The following ZNF92 variants were observed in gnomAD, a reference collection of about 807,000 sequenced individuals.
The protein encoded by ZNF92 is epididymis luminal protein 203.
In ZNF92, 11 loss-of-function variants were observed where a neutral mutation model predicts 12.4. That is an observed-to-expected ratio of 0.89 (90% CI 0.56 to 1.47). The LOEUF is 1.47. Among genes scored for constraint, ZNF92 ranks in the 40% most tolerant of loss-of-function variants. ZNF92 has a pLI of 0.00. For synonymous variants in ZNF92, 206 were observed against 228.6 expected (o/e 0.90, Z 0.89); for missense variants, 622 against 681.0 (o/e 0.91, Z 0.96).
chr7:65,398,341 T>C lies in ZNF92; in HGVS notation c.227T>C (p.Val76Ala). ...AACTTGTTATTTTTATTTTTTTCAG[T>C]TATGTGTTCTCATTTTGCCCAAGAT... ...KRHEMVDKTP[V>A]MCSHFAQDVW... Residue 76 changes from valine (V) to alanine (A), a missense_variant and splice_region_variant, in exon 4 of 4, where the codon GTT becomes GCT. Physicochemically the swap from Val to Ala is moderately conservative, Grantham distance 64. Transcript: ENST00000328747. 5 of 1,531,394 alleles carry C rather than the reference T, an allele frequency of 3.3e-6. No homozygotes were observed. The highest frequency in any genetic ancestry group is 3.5e-6 in the Non-Finnish European group (4 of 1,142,802). The allele number at this position is 1,531,394 out of a possible 1,614,324, so 94.9% of individuals were successfully genotyped here.
rs1444349483 is a variant in ZNF92, at chr7:65,392,604, T to C, written c.226+3703T>C. On this transcript the variant is annotated intron_variant, in intron 3 of 3. Transcript: ENST00000328747. ...CAGGCTGGAGTACAATGGTGTCATC[T>C]CAGCTCACCGTAACCTCCGCCTCCT... 2.6e-5 allele frequency among the ~76,000 whole-genome samples: 4 copies of C among 151,246 alleles called. No homozygotes were observed. In the East Asian group the frequency reaches 7.8e-4, roughly 29 times the overall value.
intron 3 of ZNF92, among the ~76,000 whole-genome samples, chr7:65,390,078 A>G (rs555593808): frequency 6.6e-6 from 1 of 152,238 alleles, no homozygotes; most frequent in South Asian, 2.1e-4. Flanking sequence ...GGTATTACAA[A>G]TAAGATTGTT....
rs374918371 is a variant in ZNF92, at chr7:65,385,981, C to T, written c.4-1921C>T. Among the ~76,000 whole-genome samples, 127 of 152,018 alleles carry T rather than the reference C, an allele frequency of 8.4e-4. No homozygotes were observed. In the South Asian group the frequency reaches 8.9e-3, roughly 11 times the overall value. ...CTCCCTAATGAGTTTGTTTTAACTA[C>T]TGTAAAAAATTTTCATTATAGTCAA... On this transcript the variant is annotated intron_variant, in intron 1 of 3. Transcript: ENST00000328747.
intron 3 of ZNF92, among the ~76,000 whole-genome samples, chr7:65,394,128 A>G (rs1047932362): frequency 1.3e-5 from 2 of 152,114 alleles, no homozygotes; most frequent in African/African-American, 4.8e-5. Flanking sequence ...TCATGCATTA[A>G]TATCATAAGT....
chr7:65,375,533 A>T (rs750202080), intron 1 of ZNF92, among the ~76,000 whole-genome samples: 1 of 152,034 alleles, frequency 6.6e-6, no homozygotes, highest in Non-Finnish European at 1.5e-5. Flanking sequence ...AGCCAATCAG[A>T]TGCTGGTACT....
At chr7:65,397,362 C>T (rs914743076) in intron 3 of ZNF92, among the ~76,000 whole-genome samples, 10 of 151,240 alleles carry the variant, frequency 6.6e-5, no homozygotes, top group African/African-American at 2.4e-4. Context: ...TTTTTACCTC[C>T]ACAATTTCTG....
chr7:65,378,317 G>A (rs1793305949), intron 1 of ZNF92, among the ~76,000 whole-genome samples: 1 of 149,862 alleles, frequency 6.7e-6, no homozygotes, highest in African/African-American at 2.5e-5. Context: ...TCAGATTTTA[G>A]ATGAGAGAAT....
In ZNF92 at chr7:65,374,840, C is replaced by G. The variant is rs529247557; in HGVS notation, c.3+840C>G. On this transcript the variant is annotated intron_variant, in intron 1 of 3. Coordinates refer to ENST00000328747, the MANE Select transcript of ZNF92 (RefSeq NM_152626.4). Reference sequence around the variant, plus strand: ...TCCCCTGCAGTTTTCACATGTGTCCCAAGCAGGGTCTCAAGTCTACCCCCC... The same window carrying G: ...TCCCCTGCAGTTTTCACATGTGTCCGAAGCAGGGTCTCAAGTCTACCCCCC... Among the ~76,000 whole-genome samples, 5 of 152,148 alleles carry G rather than the reference C, an allele frequency of 3.3e-5. No individual in the cohort carries two copies. In the South Asian group the frequency reaches 8.3e-4, roughly 25 times the overall value.
chr7:65,387,041 G>A (rs1793587012), intron 1 of ZNF92, among the ~76,000 whole-genome samples: 1 of 149,842 alleles, frequency 6.7e-6, no homozygotes, highest in Non-Finnish European at 1.5e-5. Context: ...CTGGGTTCAA[G>A]CAATTCTCCT....
chr7:65,374,945 A>G (rs1209378444), intron 1 of ZNF92, among the ~76,000 whole-genome samples: 2 of 152,078 alleles, frequency 1.3e-5, no homozygotes, highest in African/African-American at 2.4e-5. Flanking sequence ...CCAAATGCCA[A>G]CTTACCCTCC....
intron 3 of ZNF92, among the ~76,000 whole-genome samples, chr7:65,393,271 A>G (rs1793765592): frequency 6.6e-6 from 1 of 152,158 alleles, no homozygotes; most frequent in Admixed American, 6.5e-5. Context: ...CACAGTATCC[A>G]TCATTTTGTT....
chr7:65,387,026 G>A lies in ZNF92; in HGVS notation c.4-876G>A, dbSNP rs940396678. ...GCAATCTCGGCTCACTGCAACCTCC[G>A]CCTCCTGGGTTCAAGCAATTCTCCT... On this transcript the variant is annotated intron_variant, in intron 1 of 3. Coordinates refer to ENST00000328747, the MANE Select transcript of ZNF92 (RefSeq NM_152626.4). 1.7e-4 allele frequency among the ~76,000 whole-genome samples: 24 copies of A among 144,852 alleles called. 1 individual carries two copies. The highest frequency in any genetic ancestry group is 3.3e-4 in the Non-Finnish European group (22 of 67,272).
chr7:65,398,765 T>G lies in ZNF92; in HGVS notation c.651T>G (p.Thr217=). 6.2e-7 allele frequency: 1 copy of G among 1,613,176 alleles called. No individual in the cohort carries two copies. The highest frequency in any genetic ancestry group is 8.5e-7 in the Non-Finnish European group (1 of 1,179,776). ...CCTTTAACTGGTCCTCAACCCTTAC[T>G]AAACATAAGATAATTCATACTGGAG... is the stretch of plus-strand genomic sequence containing the variant. ...GKAFNWSSTL[T]KHKIIHTGEK... is the part of the protein sequence containing the mutation. The change falls in exon 4 of 4, where the codon ACT becomes ACG. Residue 217 remains threonine, a synonymous_variant. Coordinates refer to ENST00000328747, the MANE Select transcript of ZNF92 (RefSeq NM_152626.4).
At chr7:65,382,094 A>C (rs1793435105) in intron 1 of ZNF92, among the ~76,000 whole-genome samples, 1 of 152,102 alleles carries the variant, frequency 6.6e-6, no homozygotes, top group Non-Finnish European at 1.5e-5. Flanking sequence ...TTTGTCATTG[A>C]ATATAGCCAA....
rs1487083397 is a variant in ZNF92, at chr7:65,398,457, A to G, written c.343A>G (p.Lys115Glu). The G allele has an allele frequency of 1.2e-5, 19 of 1,613,086 alleles. No individual in the cohort carries two copies. The highest frequency in any genetic ancestry group is 1.6e-5 in the Non-Finnish European group (19 of 1,179,680). The change falls in exon 4 of 4, where the codon AAA (lysine) becomes GAA (glutamate). Residue 115 changes from lysine to glutamate, a missense_variant. Physicochemically the swap from Lys to Glu is moderately conservative, Grantham distance 56. Coordinates refer to ENST00000328747, the MANE Select transcript of ZNF92 (RefSeq NM_152626.4). ...TGGACATGAGAATTTACAGCTAAGA[A>G]AAGACCATAAAAGTGTGGATGCATG... ...KYGHENLQLR[K>E]DHKSVDACKV...
intron 3 of ZNF92, 108 bp downstream of exon 3, chr7:65,389,009 G>A: frequency 1.1e-6 from 1 of 937,458 alleles, no homozygotes; most frequent in East Asian, 4.1e-5. Context: ...GTCCAGGCTG[G>A]AGTGCAAGGG....
At position 65,400,911 on chromosome 7, in the gene ZNF92, T is replaced by G. The variant is rs892610979; in HGVS notation, c.*1036T>G. On this transcript the variant is annotated 3_prime_UTR_variant, in exon 4 of 4. Transcript: ENST00000328747. ...TAAGAAAATTAAAATACAAGATGCA[T>G]GAGGAAAATGTAGAGATGCTCTTTG... 1 of 151,984 alleles carries G rather than the reference T, an allele frequency of 6.6e-6. No individual in the cohort carries two copies. Among genetic ancestry groups the G allele is most frequent in the African/African-American group, 2.4e-5 (1 of 41,418 alleles). The allele number at this position is 151,984 out of a possible 1,614,324, so 9.4% of individuals were successfully genotyped here.
At position 65,393,522 on chromosome 7, in the gene ZNF92, T is replaced by C. The variant is rs74778585; in HGVS notation, c.226+4621T>C. 3.1e-3 allele frequency among the ~76,000 whole-genome samples: 472 copies of C among 152,268 alleles called. 3 individuals are homozygous for C. The highest frequency in any genetic ancestry group is 0.011 in the African/African-American group (459 of 41,566). On this transcript the variant is annotated intron_variant, in intron 3 of 3. Coordinates refer to ENST00000328747, the MANE Select transcript of ZNF92 (RefSeq NM_152626.4). ...GTTGCATAGTTTGGATATAGATTCA[T>C]AAATGGGATACAGTAATAACAATTC...
intron 3 of ZNF92, among the ~76,000 whole-genome samples, chr7:65,392,788 A>C (rs1793748956): frequency 2.0e-5 from 3 of 151,986 alleles, no homozygotes; most frequent in African/African-American, 7.3e-5. Flanking sequence ...CACCCACCTC[A>C]GCCTCCCAAA....
Sources: gnomAD v4.1 joint callset for allele counts (sites outside exome capture counted in the v4.1 genomes callset) on GRCh38, gnomAD v4.1.1 for gene constraint, MANE v1.5 for transcripts, NCBI Gene and HGNC (gene_info 2026-07-23, HGNC 2026-07-21) for gene names.